The following L3MBTL4 variants were observed in gnomAD, a reference collection of about 807,000 sequenced individuals.
L3MBTL4 encodes L3MBTL histone methyl-lysine binding protein 4.
In L3MBTL4, 70 loss-of-function variants were observed where a neutral mutation model predicts 84.5. That is an observed-to-expected ratio of 0.83 (90% confidence interval 0.68 to 1.01). The LOEUF is 1.01. Ranked by LOEUF, L3MBTL4 falls within the 50% of genes least tolerant of loss-of-function variation. The pLI is 0.00. For missense variants in L3MBTL4, 715 were observed against 754.8 expected (o/e 0.95, Z 0.62); for synonymous variants, 274 against 259.8 (o/e 1.05, Z -0.52).
chr18:5,983,987 C>T (rs2053354366), intron 16 of L3MBTL4, among the ~76,000 whole-genome samples: 2 of 152,184 alleles, frequency 1.3e-5, no homozygotes, highest in Non-Finnish European at 2.9e-5. Flanking sequence ...TCTAGGCTCA[C>T]TGCATCCTCT....
At chr18:5,974,047 G>A (rs1474705214) in intron 16 of L3MBTL4, among the ~76,000 whole-genome samples, 1 of 152,196 alleles carries the variant, frequency 6.6e-6, no homozygotes, top group Non-Finnish European at 1.5e-5. Flanking sequence ...GTCCTTACGT[G>A]TAGGATGCCT....
chr18:6,050,033 G>GAGAA (rs1185628744), intron 16 of L3MBTL4, among the ~76,000 whole-genome samples: 3 of 152,134 alleles, frequency 2.0e-5, no homozygotes, highest in African/African-American at 7.2e-5. Context: ...AAACATAGGT[G>GAGAA]AGAGTTCAGG....
intron 16 of L3MBTL4, among the ~76,000 whole-genome samples, chr18:6,076,137 A>G (rs2057848888): frequency 6.6e-6 from 1 of 152,206 alleles, no homozygotes; most frequent in Non-Finnish European, 1.5e-5. Flanking sequence ...TTCCACTCAT[A>G]GATATTTATC....
In L3MBTL4 at chr18:6,164,690, C is replaced by G. The variant is rs569014802; in HGVS notation, c.1096+7138G>C. Among the ~76,000 whole-genome samples, 54 of 152,252 alleles carry G rather than the reference C, an allele frequency of 3.5e-4. 1 individual carries two copies. The highest frequency in any genetic ancestry group is 3.4e-3 in the Middle Eastern group (1 of 294). On this transcript the variant is annotated intron_variant, in intron 13 of 18. Transcript: ENST00000317931. The stretch of plus-strand genomic sequence containing the variant: ...CAAAAACCCATCTGTACGTCACCAT[C>G]ATCAAAGACCAAAGGTAGATGAAAC...
At chr18:6,359,855 A>G (rs2053605181) in intron 1 of L3MBTL4, among the ~76,000 whole-genome samples, 2 of 151,970 alleles carry the variant, frequency 1.3e-5, no homozygotes, top group African/African-American at 2.4e-5. Context: ...GTGGGGGGCA[A>G]GCAGAAGGCA....
chr18:6,334,367 G>T (rs1232076233), intron 1 of L3MBTL4, among the ~76,000 whole-genome samples: 3 of 151,978 alleles, frequency 2.0e-5, no homozygotes, highest in African/African-American at 7.3e-5. Context: ...GGGCACAAAG[G>T]GTGATACTCT....
chr18:5,994,825 G>A (rs1386236142), intron 16 of L3MBTL4, among the ~76,000 whole-genome samples: 1 of 152,128 alleles, frequency 6.6e-6, no homozygotes, highest in Non-Finnish European at 1.5e-5. Context: ...CTGCTCTCAG[G>A]AATACCCTTG....
At chr18:6,264,847 C>T (rs2048560222) in intron 4 of L3MBTL4, among the ~76,000 whole-genome samples, 1 of 152,206 alleles carries the variant, frequency 6.6e-6, no homozygotes, top group Non-Finnish European at 1.5e-5. Flanking sequence ...TGTCTTAATG[C>T]AATCGCAGTA....
At position 6,350,593 on chromosome 18, in the gene L3MBTL4, TGGA is replaced by T. The variant is rs149099647; in HGVS notation, c.-90-38540_-90-38538del. Among the ~76,000 whole-genome samples the T allele has an allele frequency of 2.4e-3, 366 of 150,240 alleles. 13 individuals are homozygous for T. The East Asian group carries it at 0.062, about 25-fold the overall frequency. ...AAAACAAAAAGTGTTGATAAAGATG[TGGA>T]GAAGTGAATACCCTGTGCATTGCAA... On this transcript the variant is annotated intron_variant, in intron 1 of 18. Coordinates refer to ENST00000317931, the MANE Select transcript of L3MBTL4 (RefSeq NM_001330559.2).
intron 1 of L3MBTL4, among the ~76,000 whole-genome samples, chr18:6,320,289 A>G (rs2051335621): frequency 1.3e-5 from 2 of 152,108 alleles, no homozygotes; most frequent in East Asian, 3.9e-4. Flanking sequence ...AATCATAGCC[A>G]TAGCAATCAG....
At position 6,213,064 on chromosome 18, in the gene L3MBTL4, A is replaced by G. The variant is rs2046177354; in HGVS notation, c.981+85T>C. On this transcript the variant is annotated intron_variant, in intron 12 of 18. Coordinates refer to ENST00000317931, the MANE Select transcript of L3MBTL4 (RefSeq NM_001330559.2). ...GTGCAGATGAATTAAAAAACGAGAA[A>G]GGTTCAGAGAATGGGAGGGTAGAGG... 4.3e-6 allele frequency: 3 copies of G among 703,740 alleles called. No individual in the cohort carries two copies. In the Admixed American group the frequency reaches 9.8e-5, roughly 23 times the overall value. 43.6% of individuals were successfully genotyped at this position (703,740 alleles called of 1,614,324 possible).
At chr18:5,957,805 C>T (rs1312108989) in intron 18 of L3MBTL4, among the ~76,000 whole-genome samples, 2 of 151,630 alleles carry the variant, frequency 1.3e-5, no homozygotes, top group Non-Finnish European at 2.9e-5. Context: ...TCCATCTCTA[C>T]TGAAAATACA....
chr18:6,224,338 C>T (rs1347245959), intron 10 of L3MBTL4, among the ~76,000 whole-genome samples: 1 of 152,144 alleles, frequency 6.6e-6, no homozygotes, highest in African/African-American at 2.4e-5. Flanking sequence ...GTTATAGAAT[C>T]CAGGAAAGCT....
At chr18:6,235,292 C>T (rs1038334156) in intron 10 of L3MBTL4, among the ~76,000 whole-genome samples, 1 of 152,038 alleles carries the variant, frequency 6.6e-6, no homozygotes, top group Non-Finnish European at 1.5e-5. Context: ...ACATTGTGCA[C>T]ATGTACCCTA....
intron 16 of L3MBTL4, among the ~76,000 whole-genome samples, chr18:6,027,494 C>T (rs1371151382): frequency 6.6e-6 from 1 of 152,198 alleles, no homozygotes; most frequent in Admixed American, 6.5e-5. Context: ...CTGCAATAAA[C>T]ATATGTGTGC....
In L3MBTL4 at chr18:6,281,528, GC is replaced by G. The variant is rs1323188456; in HGVS notation, c.128-17491del. On this transcript the variant is annotated intron_variant, in intron 4 of 18. Transcript: ENST00000317931. ...TGATTTCCCCCAAGGTTTACTTGTGGCAGTAATGTCTTATTTCATGGACCAA... is the reference window on the plus strand; with the variant it reads ...TGATTTCCCCCAAGGTTTACTTGTGGAGTAATGTCTTATTTCATGGACCAA... Among the ~76,000 whole-genome samples, 24 of 152,272 alleles carry G rather than the reference GC, an allele frequency of 1.6e-4. No individual in the cohort carries two copies. In the East Asian group the frequency reaches 4.4e-3, roughly 28 times the overall value.
At chr18:6,181,440 C>T (rs971634446) in intron 12 of L3MBTL4, among the ~76,000 whole-genome samples, 34 of 152,054 alleles carry the variant, frequency 2.2e-4, no homozygotes, top group South Asian at 8.3e-4. Flanking sequence ...ATTCTCCTGC[C>T]TCAGCCTCCT....
At chr18:6,334,648 A>C (rs1474737700) in intron 1 of L3MBTL4, among the ~76,000 whole-genome samples, 4 of 152,190 alleles carry the variant, frequency 2.6e-5, no homozygotes, top group African/African-American at 9.6e-5. Context: ...ATAATGAAGC[A>C]GCTTACAGGC....
intron 13 of L3MBTL4, among the ~76,000 whole-genome samples, chr18:6,144,019 A>G (rs976596415): frequency 3.0e-4 from 45 of 152,140 alleles, no homozygotes; most frequent in African/African-American, 1.1e-3. Flanking sequence ...AACACGGTGA[A>G]ACCCCGTCTC....
Sources: allele counts gnomAD v4.1 joint callset (sites outside exome capture counted in the v4.1 genomes callset), GRCh38; gene constraint gnomAD v4.1.1; transcripts MANE v1.5; gene names NCBI Gene and HGNC (gene_info 2026-07-23, HGNC 2026-07-21).